KCNIP4: variants seen among roughly 807,000 people sequenced by gnomAD.
KCNIP4 encodes the protein Kv channel-interacting protein 4.
Under a neutral mutation model 34.0 loss-of-function variants are expected in KCNIP4, and 12 were observed. That is an observed-to-expected ratio of 0.35 (90% confidence interval 0.23 to 0.57). The LOEUF (loss-of-function observed/expected upper bound fraction) is 0.57, where lower values mean the gene tolerates loss of function less well. KCNIP4 is among the 20% of genes least tolerant of loss of function. KCNIP4 has a pLI of 0.83. For missense variants in KCNIP4, 238 were observed against 311.7 expected (o/e 0.76, Z 1.78); for synonymous variants, 124 against 102.2 (o/e 1.21, Z -1.29).
intron 1 of KCNIP4, among the ~76,000 whole-genome samples, chr4:21,648,162 C>T (rs944512482): frequency 2.6e-5 from 4 of 151,892 alleles, no homozygotes; most frequent in Admixed American, 6.6e-5. Context: ...TGTGAGCCAC[C>T]GCGCCTGGCC....
At chr4:21,444,718 G>C (rs1478873027) in intron 1 of KCNIP4, among the ~76,000 whole-genome samples, 2 of 152,160 alleles carry the variant, frequency 1.3e-5, no homozygotes, top group Non-Finnish European at 2.9e-5. Context: ...ACTGGCACAA[G>C]ACAGGGATGC....
At chr4:21,776,459 T>C (rs1395830832) in intron 1 of KCNIP4, among the ~76,000 whole-genome samples, 1 of 152,172 alleles carries the variant, frequency 6.6e-6, no homozygotes, top group African/African-American at 2.4e-5. Context: ...TATGGTGAAG[T>C]AGAAAGTGTG....
chr4:21,443,463 T>A (rs1727667445), intron 1 of KCNIP4, among the ~76,000 whole-genome samples: 1 of 152,184 alleles, frequency 6.6e-6, no homozygotes, highest in African/African-American at 2.4e-5. Context: ...AAGGTATTTT[T>A]AAAATGTGAT....
intron 1 of KCNIP4, among the ~76,000 whole-genome samples, chr4:20,987,775 G>A (rs953348191): frequency 6.6e-6 from 1 of 151,778 alleles, no homozygotes; most frequent in Non-Finnish European, 1.5e-5. Flanking sequence ...CGAGGCAGGC[G>A]GATCACGAGG....
chr4:21,220,186 C>T (rs1380638561), intron 1 of KCNIP4, among the ~76,000 whole-genome samples: 1 of 152,110 alleles, frequency 6.6e-6, no homozygotes, highest in Non-Finnish European at 1.5e-5. Flanking sequence ...GCTTATACTC[C>T]ATTTTCACTA....
At chr4:21,309,362 C>G (rs1337217348) in intron 1 of KCNIP4, among the ~76,000 whole-genome samples, 1 of 151,278 alleles carries the variant, frequency 6.6e-6, no homozygotes, top group Non-Finnish European at 1.5e-5. Flanking sequence ...ACTATATAAG[C>G]CAGTATGAGT....
chr4:20,973,696 T>C (rs1257085757), intron 1 of KCNIP4, among the ~76,000 whole-genome samples: 3 of 152,164 alleles, frequency 2.0e-5, no homozygotes, highest in Non-Finnish European at 4.4e-5. Flanking sequence ...GACTCTTCCC[T>C]TTACTTGAAC....
intron 1 of KCNIP4, among the ~76,000 whole-genome samples, chr4:21,941,057 C>A (rs1730177906): frequency 1.3e-5 from 2 of 152,176 alleles, no homozygotes; most frequent in East Asian, 1.9e-4. Flanking sequence ...CTCATGCTAT[C>A]ATAATGAATA....
chr4:21,401,857 A>G (rs1268362148), intron 1 of KCNIP4, among the ~76,000 whole-genome samples: 1 of 152,200 alleles, frequency 6.6e-6, no homozygotes, highest in East Asian at 1.9e-4. Flanking sequence ...AAGTCCTTTA[A>G]TGAAGGAAGA....
chr4:21,798,751 C>T (rs12643557), intron 1 of KCNIP4, among the ~76,000 whole-genome samples: 58,005 of 151,710 alleles, frequency 0.38, 12,620 homozygotes, highest in Non-Finnish European at 0.51. Context: ...TCCTCAGAAA[C>T]TATCTGAAAG....
rs1401575375 is a variant in KCNIP4 at position 20,940,170 on chromosome 4, A to G, written c.62-57461T>C. On this transcript the variant is annotated intron_variant, in intron 1 of 8. Coordinates refer to ENST00000382152, the MANE Select transcript of KCNIP4 (RefSeq NM_025221.6). The stretch of plus-strand genomic sequence containing the variant: ...TTCTACTTGCAATCAGCTCTTCTTC[A>G]TCTGTCCATTAAGGCACAGCCCAGT... Among the ~76,000 whole-genome samples the G allele has an allele frequency of 3.9e-5, 6 of 152,126 alleles. No individual in the cohort carries two copies. In the East Asian group the frequency reaches 7.7e-4, roughly 20 times the overall value.
intron 1 of KCNIP4, among the ~76,000 whole-genome samples, chr4:21,353,484 A>G (rs971669362): frequency 3.3e-5 from 5 of 152,224 alleles, no homozygotes; most frequent in Non-Finnish European, 7.3e-5. Flanking sequence ...CCATGGCCCA[A>G]GAACTTCATG....
chr4:21,766,271 G>A (rs2044809), intron 1 of KCNIP4, among the ~76,000 whole-genome samples: 37,480 of 152,050 alleles, frequency 0.25, 7,899 homozygotes, highest in African/African-American at 0.58. Context: ...TGCACTTGGC[G>A]TATACCGATC....
Position 20,729,797 on chromosome 4 carries a change from T to C in KCNIP4, c.*285A>G, listed in dbSNP as rs1386542249. On this transcript the variant is annotated 3_prime_UTR_variant, in exon 9 of 9. Coordinates refer to ENST00000382152, the MANE Select transcript of KCNIP4 (RefSeq NM_025221.6). ...GTGAAAGCCTCAATAATCCCATGGCTAAGGAACCAATAAAACTATATGCCA... is the reference window on the plus strand; with the variant it reads ...GTGAAAGCCTCAATAATCCCATGGCCAAGGAACCAATAAAACTATATGCCA... The C allele has an allele frequency of 3.3e-6, 1 of 302,560 alleles. No individual in the cohort carries two copies. Among genetic ancestry groups the C allele is most frequent in the African/African-American group, 2.2e-5 (1 of 46,370 alleles). 18.7% of individuals were successfully genotyped at this position (302,560 alleles called of 1,614,324 possible). A position where few individuals can be genotyped will look rare whatever the true frequency, so the allele number is the denominator to read the frequency against.
chr4:21,367,979 G>C (rs62294132), intron 1 of KCNIP4, among the ~76,000 whole-genome samples: 1 of 146,326 alleles, frequency 6.8e-6, no homozygotes, highest in East Asian at 2.0e-4. Flanking sequence ...GAAATAAAGC[G>C]TACCCATGTT....
chr4:21,239,011 T>C (rs1759588471), intron 1 of KCNIP4, among the ~76,000 whole-genome samples: 1 of 152,114 alleles, frequency 6.6e-6, no homozygotes, highest in South Asian at 2.1e-4. Flanking sequence ...AGCATGGTAC[T>C]GGTACCAAAA....
intron 1 of KCNIP4, among the ~76,000 whole-genome samples, chr4:21,915,801 T>C (rs1474453204): frequency 6.6e-6 from 1 of 152,226 alleles, no homozygotes; most frequent in Non-Finnish European, 1.5e-5. Flanking sequence ...TTTCAAAGTA[T>C]GTCATGTTCT....
chr4:21,469,710 T>C (rs1387362719), intron 1 of KCNIP4, among the ~76,000 whole-genome samples: 1 of 152,128 alleles, frequency 6.6e-6, no homozygotes, highest in Non-Finnish European at 1.5e-5. Context: ...ACCAGGATTC[T>C]CTAAACTTCA....
At chr4:21,415,291 G>A (rs1724856147) in intron 1 of KCNIP4, among the ~76,000 whole-genome samples, 1 of 152,076 alleles carries the variant, frequency 6.6e-6, no homozygotes, top group Non-Finnish European at 1.5e-5. Context: ...GTTGCCAGGG[G>A]CTGGAGGAAG....
Sources: gnomAD v4.1 joint callset for allele counts (sites outside exome capture counted in the v4.1 genomes callset) on GRCh38, gnomAD v4.1.1 for gene constraint, MANE v1.5 for transcripts, NCBI Gene and HGNC (gene_info 2026-07-23, HGNC 2026-07-21) for gene names.